Variants in LRRK2 observed in about 807,000 individuals in gnomAD.
The protein encoded by LRRK2 is leucine rich repeat kinase 2, also known as leucine-rich repeat serine/threonine-protein kinase 2.
LRRK2 carries 203 observed loss-of-function variants against 302.6 expected under a neutral mutation model. The ratio of observed to expected loss-of-function variants is 0.67; its 90% confidence interval spans 0.60 to 0.75. The LOEUF is 0.75. LRRK2 is among the 30% of genes least tolerant of loss of function. LRRK2 has a pLI of 0.00. For missense variants in LRRK2, 2,830 were observed against 2,951.0 expected, an observed-to-expected ratio of 0.96 and a Z score of 0.95; for synonymous variants, 1,066 against 1,031.9, an observed-to-expected ratio of 1.03 and a Z score of -0.63.
At chr12:40,308,336 A>C in intron 28 of LRRK2, 131 bp from the exon 29 acceptor site, 1 of 667,932 alleles carries the variant, frequency 1.5e-6, no homozygotes, top group Non-Finnish European at 2.5e-6. Context: ...CATGTACATT[A>C]TTAGTTATAT....
At chr12:40,283,728 T>C in intron 18 of LRRK2, 147 bp from the exon 19 acceptor site, 1 of 635,678 alleles carries the variant, frequency 1.6e-6, no homozygotes, top group Non-Finnish European at 2.7e-6. Flanking sequence ...TTTCCCAATC[T>C]ATTCAAGGAT....
chr12:40,305,929 T>G lies in LRRK2; in HGVS notation c.3922T>G (p.Phe1308Val). 2 of 1,612,496 alleles carry G rather than the reference T, an allele frequency of 1.2e-6. No individual in the cohort carries two copies. The highest frequency in any genetic ancestry group is 1.3e-5 in the African/African-American group (1 of 74,952). ...GGATGAACTGCATCTTAACTTTGAT[T>G]TTAAACATATAGGATGTAAAGCCAA... The part of the protein sequence containing the change: ...PLDELHLNFD[F>V]KHIGCKAKDI... The change falls in exon 28 of 51, where the codon TTT (phenylalanine) becomes GTT (valine). Residue 1308 changes from phenylalanine (F) to valine (V), a missense_variant. Physicochemically the swap from Phe to Val is conservative, Grantham distance 50. Around this residue, in one of 3 missense-constraint regions of LRRK2, gnomAD observed 2,121 missense variants for 2,148.0 expected, o/e 0.99. Transcript: ENST00000298910.
chr12:40,356,000 G>T, intron 45 of LRRK2, 115 bp from the exon 46 acceptor site: 1 of 674,814 alleles, frequency 1.5e-6, no homozygotes, highest in Non-Finnish European at 2.6e-6. Flanking sequence ...AGGGAGGTTA[G>T]GAATTTATAG....
At chr12:40,319,113 A>G (rs959129441) in intron 33 of LRRK2, among the ~76,000 whole-genome samples, 2 of 152,126 alleles carry the variant, frequency 1.3e-5, no homozygotes, top group Non-Finnish European at 2.9e-5. Flanking sequence ...AAAATTAAAT[A>G]CAAACCTCTT....
chr12:40,268,157 A>G (rs1592192488), intron 14 of LRRK2, among the ~76,000 whole-genome samples: 2 of 152,190 alleles, frequency 1.3e-5, no homozygotes, highest in African/African-American at 4.8e-5. Context: ...CCAGAGAGAT[A>G]TATTTGTTCA....
intron 38 of LRRK2, 144 bp downstream of exon 38, chr12:40,323,450 T>C (rs570228552): frequency 1.3e-6 from 1 of 764,840 alleles, no homozygotes; most frequent in Admixed American, 3.0e-5. Context: ...AATGATATAT[T>C]TTAAAGGAAT....
rs1401603656 is a variant in LRRK2 at position 40,346,940 on chromosome 12, C to G, written c.6280+17C>G. 1 of 1,597,126 alleles carries G rather than the reference C, an allele frequency of 6.3e-7. No homozygotes were observed. Among genetic ancestry groups the G allele is most frequent in the East Asian group, 2.2e-5 (1 of 44,692 alleles). ...AATTACCTGGTAAGTTCTGTTTTCTCTACAATGAAGATTTTTTTTCTTAAT... is the reference window on the plus strand; with the variant it reads ...AATTACCTGGTAAGTTCTGTTTTCTGTACAATGAAGATTTTTTTTCTTAAT... On this transcript the variant is annotated intron_variant, in intron 42 of 50. Coordinates refer to ENST00000298910, the MANE Select transcript of LRRK2 (RefSeq NM_198578.4).
At chr12:40,235,476 TA>T (rs35557963) in intron 3 of LRRK2, 149 bp from the exon 4 acceptor site, 1 of 651,982 alleles carries the variant, frequency 1.5e-6, no homozygotes, top group Non-Finnish European at 2.8e-6. Context: ...ACCCTGTCTC[TA>T]AAAGCAGGCA....
intron 13 of LRRK2, among the ~76,000 whole-genome samples, chr12:40,262,494 G>T (rs1211214790): frequency 6.6e-6 from 1 of 152,076 alleles, no homozygotes; most frequent in Non-Finnish European, 1.5e-5. Context: ...ATCTTGTCCT[G>T]AACAACTGTT....
At chr12:40,308,747 C>G in intron 29 of LRRK2, 51 bp downstream of exon 29, 1 of 1,536,080 alleles carries the variant, frequency 6.5e-7, no homozygotes, top group Non-Finnish European at 9.0e-7. Flanking sequence ...TTGTTTGGAA[C>G]AGGGATTCAA....
chr12:40,365,312 C>T, intron 49 of LRRK2: 1 of 400,596 alleles, frequency 2.5e-6, no homozygotes, highest in Non-Finnish European at 4.5e-6. Flanking sequence ...TTCCTTTTTA[C>T]CTAAGGCAAA....
intron 7 of LRRK2, among the ~76,000 whole-genome samples, chr12:40,244,702 T>A (rs1214540189): frequency 7.4e-6 from 1 of 135,010 alleles, no homozygotes; most frequent in Non-Finnish European, 1.5e-5. Context: ...GAAAATACCT[T>A]CCCTTGAACA....
At chr12:40,231,727 T>A (rs951987763) in intron 2 of LRRK2, among the ~76,000 whole-genome samples, 4 of 147,856 alleles carry the variant, frequency 2.7e-5, no homozygotes, top group Non-Finnish European at 4.5e-5. Context: ...ATGTTCTTCA[T>A]AATTTAGAAA....
intron 49 of LRRK2, chr12:40,365,348 T>C (rs1166024592): frequency 3.6e-6 from 1 of 281,548 alleles, no homozygotes; most frequent in African/African-American, 2.2e-5. Flanking sequence ...GTATTGAATA[T>C]ATTTTACTTT....
chr12:40,293,524 AT>A lies in LRRK2; in HGVS notation c.2690-17del. On this transcript the variant is annotated intron_variant, in intron 20 of 50. Transcript: ENST00000298910. The stretch of plus-strand genomic sequence containing the variant: ...AGCTTTTTGTATTCACCTTCATGTT[AT>A]TTTATCATTTTCAAAATAGGAAGTG... The A allele has an allele frequency of 6.9e-7, 1 of 1,453,032 alleles. No individual in the cohort carries two copies. Among genetic ancestry groups the A allele is most frequent in the Non-Finnish European group, 9.6e-7 (1 of 1,038,368 alleles). 90.0% of individuals were successfully genotyped at this position (1,453,032 alleles called of 1,614,324 possible).
At position 40,320,099 on chromosome 12, in the gene LRRK2, T is replaced by A. The variant is rs11564148; in HGVS notation, c.4939T>A (p.Ser1647Thr). Residue 1647 changes from serine (S) to threonine (T), a missense_variant, in exon 34 of 51, where the codon TCA becomes ACA. Coordinates refer to ENST00000298910, the MANE Select transcript of LRRK2 (RefSeq NM_198578.4). Reference protein sequence around the residue: ...KKRKFPKNYMSQYFKLLEKFQ... With the variant: ...KKRKFPKNYMTQYFKLLEKFQ... Reference sequence around the variant, plus strand: ...AAGGAAATTTCCAAAGAACTACATGTCACAGTATTTTAAGCTCCTAGAAAA... The same window carrying A: ...AAGGAAATTTCCAAAGAACTACATGACACAGTATTTTAAGCTCCTAGAAAA... The A allele has an allele frequency of 0.3, 481,514 of 1,609,436 alleles. 74,287 individuals are homozygous for A. The highest frequency in any genetic ancestry group is 0.36 in the South Asian group (33,113 of 90,728).
chr12:40,294,165 A>G (rs1352930045), intron 21 of LRRK2, among the ~76,000 whole-genome samples: 1 of 135,580 alleles, frequency 7.4e-6, no homozygotes, highest in Non-Finnish European at 1.6e-5. Flanking sequence ...CTATCTATCT[A>G]TCTATCTATC....
At chr12:40,360,370 G>T (rs1946665878) in intron 47 of LRRK2, among the ~76,000 whole-genome samples, 1 of 152,036 alleles carries the variant, frequency 6.6e-6, no homozygotes, top group Non-Finnish European at 1.5e-5. Flanking sequence ...AATTTCCCAA[G>T]ATTGGCACTT....
intron 21 of LRRK2, 140 bp from the exon 22 acceptor site, chr12:40,294,705 T>A (rs1222013435): frequency 1.9e-6 from 1 of 521,152 alleles, no homozygotes; most frequent in East Asian, 3.4e-5. Flanking sequence ...CATAATTGGG[T>A]TCTTAGTTTT....
Sources: allele counts gnomAD v4.1 joint callset (sites outside exome capture counted in the v4.1 genomes callset), GRCh38; gene constraint gnomAD v4.1.1; regional missense constraint gnomAD v4.1.1; transcripts MANE v1.5; gene names NCBI Gene and HGNC (gene_info 2026-07-23, HGNC 2026-07-21).